Variants in SCAND3 observed in about 807,000 individuals in gnomAD.
SCAND3 encodes SCAN domain-containing protein 3.
At chr6:28,584,805 C>A in the SCAND3 span, among the ~76,000 whole-genome samples, 1 of 152,202 alleles carries the variant, frequency 6.6e-6, no homozygotes, top group African/African-American at 2.4e-5. Flanking sequence ...CTTACAGCCT[C>A]GTCTGCACAG....
the SCAND3 span, chr6:28,573,168 T>C: frequency 8.1e-6 from 13 of 1,613,510 alleles, no homozygotes; most frequent in African/African-American, 9.3e-5. Flanking sequence ...TAGCAATATC[T>C]CTGCATTCAT....
the SCAND3 span, among the ~76,000 whole-genome samples, chr6:28,614,244 G>A: frequency 6.6e-6 from 1 of 151,916 alleles, no homozygotes; most frequent in Non-Finnish European, 1.5e-5. Flanking sequence ...GATTACAGGC[G>A]TGAGCCACCG....
At chr6:28,579,273 A>G in the SCAND3 span, 1 of 1,612,376 alleles carries the variant, frequency 6.2e-7, no homozygotes, top group Middle Eastern at 1.7e-4. This position sits in a 1 kb window ranked among gnomAD's most constrained non-coding sequence, Gnocchi z 4.5. Flanking sequence ...TATTCTCACC[A>G]TTATCTTGAA....
At chr6:28,607,213 T>G in the SCAND3 span, among the ~76,000 whole-genome samples, 3 of 152,176 alleles carry the variant, frequency 2.0e-5, no homozygotes, top group Non-Finnish European at 4.4e-5. Context: ...CCGGGTTCAA[T>G]CCCCGGCACC....
the SCAND3 span, among the ~76,000 whole-genome samples, chr6:28,610,051 C>A: frequency 2.7e-3 from 412 of 152,094 alleles, no homozygotes; most frequent in African/African-American, 9.2e-3. Flanking sequence ...GGGTGCAACG[C>A]CGTCTTTACT....
the SCAND3 span, chr6:28,572,959 G>C: frequency 1.2e-6 from 2 of 1,613,792 alleles, no homozygotes; most frequent in South Asian, 2.2e-5. The surrounding 1 kb of genome is among the most constrained non-coding windows in gnomAD (Gnocchi z 4.1). Flanking sequence ...ATGTTTTCCT[G>C]TCATTGAAGC....
At chr6:28,574,010 A>G in the SCAND3 span, among the ~76,000 whole-genome samples, 1 of 152,148 alleles carries the variant, frequency 6.6e-6, no homozygotes, top group African/African-American at 2.4e-5. Context: ...TATGGCTGAT[A>G]AACGAAACAT....
the SCAND3 span, among the ~76,000 whole-genome samples, chr6:28,612,204 AT>A: frequency 4.0e-5 from 6 of 151,062 alleles, no homozygotes; most frequent in African/African-American, 1.2e-4. Context: ...TGCCCGGCTA[AT>A]TTTTTTTTAT....
the SCAND3 span, among the ~76,000 whole-genome samples, chr6:28,614,551 G>A: frequency 1.3e-5 from 2 of 151,740 alleles, no homozygotes; most frequent in African/African-American, 2.4e-5. Context: ...TGCAACCTCC[G>A]CCTCCCTGGT....
the SCAND3 span, among the ~76,000 whole-genome samples, chr6:28,601,525 T>G: frequency 1.3e-5 from 2 of 152,172 alleles, no homozygotes; most frequent in Non-Finnish European, 2.9e-5. Context: ...ACTCTTGTTT[T>G]GAGGGGAGAA....
chr6:28,583,767 T>A, the SCAND3 span, among the ~76,000 whole-genome samples: 1 of 152,224 alleles, frequency 6.6e-6, no homozygotes, highest in Non-Finnish European at 1.5e-5. Flanking sequence ...TGAAAAGCTC[T>A]TGGGAGGCAG....
At chr6:28,612,318 G>T in the SCAND3 span, among the ~76,000 whole-genome samples, 3 of 152,092 alleles carry the variant, frequency 2.0e-5, no homozygotes, top group African/African-American at 7.2e-5. Flanking sequence ...GATTACAGGC[G>T]TGAGCCACTG....
the SCAND3 span, among the ~76,000 whole-genome samples, chr6:28,610,832 CT>C: frequency 6.6e-6 from 1 of 152,072 alleles, no homozygotes; most frequent in African/African-American, 2.4e-5. Context: ...TGTAATCTTG[CT>C]TTTTTTGGGA....
chr6:28,610,759 A>G, the SCAND3 span, among the ~76,000 whole-genome samples: 1 of 152,172 alleles, frequency 6.6e-6, no homozygotes, highest in African/African-American at 2.4e-5. Flanking sequence ...AGAATTGCAA[A>G]GCTATATGAG....
chr6:28,576,050 G>A, the SCAND3 span: 1 of 1,613,314 alleles, frequency 6.2e-7, no homozygotes, highest in Non-Finnish European at 8.5e-7. Context: ...ATGTTTTCTG[G>A]TTCAATTTCT....
the SCAND3 span, among the ~76,000 whole-genome samples, chr6:28,595,306 C>T: frequency 1.9e-5 from 2 of 104,292 alleles, no homozygotes; most frequent in Admixed American, 1.5e-4. Context: ...ACTTCAGCCT[C>T]GGTGTTAGAG....
chr6:28,575,835 A>G, the SCAND3 span: 2 of 1,614,086 alleles, frequency 1.2e-6, no homozygotes, highest in South Asian at 2.2e-5. This position sits in a 1 kb window ranked among gnomAD's most constrained non-coding sequence, Gnocchi z 4.2. Context: ...CCCCATTTAC[A>G]GCCTCAATTA....
At chr6:28,572,825 T>G in the SCAND3 span, 1 of 1,613,212 alleles carries the variant, frequency 6.2e-7, no homozygotes, top group Non-Finnish European at 8.5e-7. The surrounding 1 kb of genome is among the most constrained non-coding windows in gnomAD (Gnocchi z 4.1). Flanking sequence ...ATTTTTACTA[T>G]ATCATTAAGT....
At chr6:28,605,212 C>G in the SCAND3 span, among the ~76,000 whole-genome samples, 2 of 152,204 alleles carry the variant, frequency 1.3e-5, no homozygotes, top group African/African-American at 4.8e-5. Flanking sequence ...AGAGTTCTCA[C>G]AGCTATGGCT....
Sources: gnomAD v4.1 joint callset for allele counts (sites outside exome capture counted in the v4.1 genomes callset) on GRCh38, gnomAD v4.1.1 for gene constraint, Gnocchi (gnomAD v3.1) non-coding constraint, MANE v1.5 for transcripts, NCBI Gene and HGNC (gene_info 2026-07-23, HGNC 2026-07-21) for gene names.